ARMC9: variants seen among roughly 807,000 people sequenced by gnomAD.
ARMC9 encodes the protein armadillo repeat containing 9, also known as lisH domain-containing protein ARMC9.
ARMC9 carries 94 observed loss-of-function variants against 107.0 expected under a neutral mutation model. That is an observed-to-expected ratio of 0.88 (90% confidence interval 0.74 to 1.04). The LOEUF is 1.04. Among genes scored for constraint, ARMC9 ranks in the 50% least tolerant of loss-of-function variants. The probability of loss-of-function intolerance (pLI) is 0.00; values close to 1 mark genes in which losing one functional copy is unlikely to be tolerated. For synonymous variants in ARMC9, 380 were observed against 396.9 expected, an observed-to-expected ratio of 0.96 and a Z score of 0.51; for missense variants, 942 against 1,030.1, an observed-to-expected ratio of 0.91 and a Z score of 1.17.
At chr2:231,239,460 C>A (rs1416620330) in intron 8 of ARMC9, among the ~76,000 whole-genome samples, 1 of 152,206 alleles carries the variant, frequency 6.6e-6, no homozygotes, top group Non-Finnish European at 1.5e-5. Context: ...CTAGGCATAT[C>A]TGTGACCTCA....
rs149603016 is a variant in ARMC9, at chr2:231,357,182, C to G, written c.2131+1248C>G. 2.6e-4 allele frequency among the ~76,000 whole-genome samples: 40 copies of G among 152,310 alleles called. 1 individual carries two copies. In the East Asian group the frequency reaches 7.5e-3, roughly 29 times the overall value. On this transcript the variant is annotated intron_variant, in intron 22 of 24. Transcript: ENST00000611582. ...AGCCCTGACAAAGTCTGGGCCCAGG[C>G]ACATTCCGGGTTCTTGCATGAACAG...
chr2:231,237,080 AG>A (rs1434367645), intron 8 of ARMC9, among the ~76,000 whole-genome samples: 3 of 152,194 alleles, frequency 2.0e-5, no homozygotes, highest in African/African-American at 7.2e-5. Context: ...AAGGAGCAAA[AG>A]CTCCTTCACC....
At chr2:231,241,305 G>A (rs1298330136) in intron 9 of ARMC9, among the ~76,000 whole-genome samples, 1 of 152,048 alleles carries the variant, frequency 6.6e-6, no homozygotes, top group Non-Finnish European at 1.5e-5. Context: ...ATACGACGTC[G>A]GTGATCGTGT....
chr2:231,289,748 A>T (rs17620074), intron 17 of ARMC9, among the ~76,000 whole-genome samples: 18,765 of 152,100 alleles, frequency 0.12, 2,478 homozygotes, highest in African/African-American at 0.32. Flanking sequence ...AACTTTCCAG[A>T]GTTCTTCCTC....
rs1285133246 is a variant in ARMC9 at position 231,362,948 on chromosome 2, G to A, written c.2261+2065G>A. Among the ~76,000 whole-genome samples the A allele has an allele frequency of 6.6e-6, 1 of 152,194 alleles. No homozygotes were observed. The highest frequency in any genetic ancestry group is 2.4e-5 in the African/African-American group (1 of 41,436). On this transcript the variant is annotated intron_variant, in intron 23 of 24. Transcript: ENST00000611582. This position sits in a 1 kb window ranked among gnomAD's most constrained non-coding sequence, Gnocchi z 4.7. ...CCCTCCACGGGGCGGAGACCCCACT[G>A]TGTTGTCATGTGGCTGCCTCTCACT...
chr2:231,283,629 C>T lies in ARMC9; in HGVS notation c.1626+1496C>T, dbSNP rs542607160. ...ATTTTTAGTAGAGATGGGGTTTCACCATCTTGGCCAGGCTGGTCTCAAGCT... is the reference window on the plus strand; with the variant it reads ...ATTTTTAGTAGAGATGGGGTTTCACTATCTTGGCCAGGCTGGTCTCAAGCT... On this transcript the variant is annotated intron_variant, in intron 17 of 24. Transcript: ENST00000611582. Among the ~76,000 whole-genome samples the T allele has an allele frequency of 2.4e-4, 36 of 152,202 alleles. 1 individual carries two copies. The South Asian group carries it at 7.1e-3, about 30-fold the overall frequency.
At chr2:231,251,662 T>G (rs1436549874) in intron 9 of ARMC9, among the ~76,000 whole-genome samples, 3 of 152,224 alleles carry the variant, frequency 2.0e-5, no homozygotes, top group Non-Finnish European at 4.4e-5. Context: ...ACCTGGCTGA[T>G]GGGGGCAGTC....
intron 19 of ARMC9, among the ~76,000 whole-genome samples, chr2:231,308,333 G>C (rs769375815): frequency 1.3e-5 from 2 of 152,202 alleles, no homozygotes; most frequent in Admixed American, 6.5e-5. Flanking sequence ...GTTCAGAGAG[G>C]TTCAGAAACT....
In ARMC9 at chr2:231,373,932, G is replaced by C. The variant is rs1035318491; in HGVS notation, c.*2397G>C. 6.6e-6 allele frequency: 1 copy of C among 152,104 alleles called. No homozygotes were observed. Among genetic ancestry groups the C allele is most frequent in the African/African-American group, 2.4e-5 (1 of 41,398 alleles). 9.4% of individuals were successfully genotyped at this position (152,104 alleles called of 1,614,324 possible). A position where few individuals can be genotyped will look rare whatever the true frequency, so the allele number is the denominator to read the frequency against. On this transcript the variant is annotated 3_prime_UTR_variant, in exon 25 of 25. Coordinates refer to ENST00000611582, the MANE Select transcript of ARMC9 (RefSeq NM_001352754.2). This position sits in a 1 kb window ranked among gnomAD's most constrained non-coding sequence, Gnocchi z 4.4. ...AAAAATACATTGAGATTACCAGGTG[G>C]GGTATGTGTGGTTCTTCCAGGAAAG...
At chr2:231,250,984 A>T (rs2037243510) in intron 9 of ARMC9, among the ~76,000 whole-genome samples, 1 of 152,102 alleles carries the variant, frequency 6.6e-6, no homozygotes, top group Admixed American at 6.5e-5. Context: ...GCCCTCAGTA[A>T]ATGTCAGTGA....
intron 18 of ARMC9, chr2:231,293,958 A>G (rs2041193973): frequency 6.6e-6 from 1 of 152,258 alleles, no homozygotes; most frequent in Non-Finnish European, 1.5e-5. Flanking sequence ...TTAATAGCAG[A>G]GTACAAATTG....
At chr2:231,264,049 GA>G (rs1162452197) in intron 12 of ARMC9, among the ~76,000 whole-genome samples, 8 of 152,260 alleles carry the variant, frequency 5.3e-5, no homozygotes, top group African/African-American at 1.7e-4. Flanking sequence ...TGTATAAAAT[GA>G]AAATGTGTCC....
chr2:231,261,363 A>T (rs2038323544), intron 11 of ARMC9, among the ~76,000 whole-genome samples: 1 of 152,192 alleles, frequency 6.6e-6, no homozygotes, highest in South Asian at 2.1e-4. Flanking sequence ...TGACAGACTT[A>T]TGGCTTTCTA....
At chr2:231,324,613 G>A (rs890756381) in intron 19 of ARMC9, among the ~76,000 whole-genome samples, 16 of 151,548 alleles carry the variant, frequency 1.1e-4, no homozygotes, top group African/African-American at 1.7e-4. Flanking sequence ...TAGTAGTGGC[G>A]CCTGCCTATA....
rs77574359 is a variant in ARMC9 at position 231,281,142 on chromosome 2, A to G, written c.1552-917A>G. Among the ~76,000 whole-genome samples the G allele has an allele frequency of 6.9e-4, 101 of 147,314 alleles. 2 individuals are homozygous for G. The East Asian group carries it at 0.014, about 20-fold the overall frequency. ...TCAAAAAGCTCATAATAAAGGGGAC[A>G]TAGTGTGAATTTAAAAGGATACTGC... On this transcript the variant is annotated intron_variant, in intron 16 of 24. Coordinates refer to ENST00000611582, the MANE Select transcript of ARMC9 (RefSeq NM_001352754.2).
At chr2:231,263,750 G>A (rs1384500469) in intron 12 of ARMC9, among the ~76,000 whole-genome samples, 1 of 152,154 alleles carries the variant, frequency 6.6e-6, no homozygotes, top group African/African-American at 2.4e-5. Context: ...AGTTAAGTTT[G>A]AAAATAGTCT....
chr2:231,294,251 G>A (rs1237598107), intron 18 of ARMC9: 1 of 152,234 alleles, frequency 6.6e-6, no homozygotes, highest in Non-Finnish European at 1.5e-5. Context: ...TGACAACGCC[G>A]GGTGAGCTGC....
At chr2:231,327,251 T>G (rs887674002) in intron 19 of ARMC9, among the ~76,000 whole-genome samples, 2 of 152,202 alleles carry the variant, frequency 1.3e-5, no homozygotes, top group Non-Finnish European at 2.9e-5. Context: ...TATGCTCGTT[T>G]TTTAATTTTT....
intron 13 of ARMC9, among the ~76,000 whole-genome samples, chr2:231,271,767 T>C (rs1269579014): frequency 1.3e-5 from 2 of 152,220 alleles, no homozygotes; most frequent in Admixed American, 6.5e-5. Context: ...TTGAAACTTA[T>C]GTCTGAAATT....
Sources: allele counts gnomAD v4.1 joint callset (sites outside exome capture counted in the v4.1 genomes callset), GRCh38; gene constraint gnomAD v4.1.1; non-coding constraint Gnocchi (gnomAD v3.1); transcripts MANE v1.5; gene names NCBI Gene and HGNC (gene_info 2026-07-23, HGNC 2026-07-21).